EPHB1: variants seen among roughly 807,000 people sequenced by gnomAD.
The protein encoded by EPHB1 is EPH receptor B1, also known as ephrin type-B receptor 1.
EPHB1 carries 30 observed loss-of-function variants against 94.4 expected under a neutral mutation model. The observed-to-expected ratio is 0.32, with a 90% confidence interval of 0.24 to 0.43. EPHB1 has a LOEUF of 0.43. Ranked by LOEUF, EPHB1 falls within the 20% of genes least tolerant of loss-of-function variation. The pLI is 1.00. For synonymous variants in EPHB1, 522 were observed against 489.1 expected, an observed-to-expected ratio of 1.07 and a Z score of -0.89; for missense variants, 1,055 against 1,308.3, an observed-to-expected ratio of 0.81 and a Z score of 2.99.
chr3:134,889,860 A>G (rs1281666853), intron 1 of EPHB1, among the ~76,000 whole-genome samples: 2 of 151,148 alleles, frequency 1.3e-5, no homozygotes, highest in Non-Finnish European at 2.9e-5. Flanking sequence ...TTGTATTTTT[A>G]GTAGAGACAG....
intron 1 of EPHB1, among the ~76,000 whole-genome samples, chr3:134,855,268 A>G (rs112697129): frequency 6.6e-6 from 1 of 152,218 alleles, no homozygotes; most frequent in East Asian, 1.9e-4. Flanking sequence ...TGAAACCCAG[A>G]TGGAGGAAAA....
intron 2 of EPHB1, among the ~76,000 whole-genome samples, chr3:134,946,825 G>A (rs1422360689): frequency 1.3e-5 from 2 of 152,146 alleles, no homozygotes; most frequent in African/African-American, 2.4e-5. Flanking sequence ...AACTTCCTGA[G>A]GCCTCACCAG....
intron 1 of EPHB1, among the ~76,000 whole-genome samples, chr3:134,890,115 T>C (rs904503461): frequency 1.3e-5 from 2 of 152,092 alleles, no homozygotes; most frequent in African/African-American, 4.8e-5. Flanking sequence ...CATCCACCTC[T>C]CCTCAGTCAC....
intron 1 of EPHB1, among the ~76,000 whole-genome samples, chr3:134,912,778 C>T (rs2038480885): frequency 6.6e-6 from 1 of 152,234 alleles, no homozygotes; most frequent in Non-Finnish European, 1.5e-5. Context: ...CTCCTGCCTA[C>T]AGATGTTTGA....
At chr3:135,140,334 G>T (rs1482631863) in intron 5 of EPHB1, among the ~76,000 whole-genome samples, 2 of 152,188 alleles carry the variant, frequency 1.3e-5, no homozygotes, top group Non-Finnish European at 2.9e-5. Flanking sequence ...GAACTGACTG[G>T]CATCTCCAGG....
chr3:135,060,125 T>G (rs538099506), intron 3 of EPHB1, among the ~76,000 whole-genome samples: 10 of 152,382 alleles, frequency 6.6e-5, no homozygotes, highest in Admixed American at 2.0e-4. Flanking sequence ...CGTGATCTTA[T>G]TACAAAACAT....
chr3:135,186,148 G>A (rs1317091812), intron 10 of EPHB1, among the ~76,000 whole-genome samples: 1 of 152,210 alleles, frequency 6.6e-6, no homozygotes, highest in Non-Finnish European at 1.5e-5. Flanking sequence ...TGATATATAG[G>A]TATGCAGTTG....
chr3:134,797,531 G>C (rs576273293), intron 1 of EPHB1, among the ~76,000 whole-genome samples: 16 of 152,322 alleles, frequency 1.1e-4, no homozygotes, highest in African/African-American at 3.8e-4. Context: ...CCACTTTGGG[G>C]AGCGTGCTCT....
intron 3 of EPHB1, among the ~76,000 whole-genome samples, chr3:135,020,254 C>T (rs1935943327): frequency 6.6e-6 from 1 of 152,162 alleles, no homozygotes; most frequent in Non-Finnish European, 1.5e-5. Context: ...TTTATAATAG[C>T]TGTGTTGAGA....
chr3:135,136,663 G>A (rs1940629922), intron 5 of EPHB1, among the ~76,000 whole-genome samples: 1 of 152,162 alleles, frequency 6.6e-6, no homozygotes, highest in Admixed American at 6.5e-5. Context: ...GAGATGTTTT[G>A]TGGCCATTTT....
chr3:135,097,417 G>A (rs768385963), intron 3 of EPHB1, among the ~76,000 whole-genome samples: 21 of 152,162 alleles, frequency 1.4e-4, no homozygotes, highest in East Asian at 5.8e-4. Context: ...TCTTGGCTAC[G>A]CTCTGGGAAC....
intron 3 of EPHB1, among the ~76,000 whole-genome samples, chr3:134,977,320 G>A (rs1209574849): frequency 6.6e-6 from 1 of 152,234 alleles, no homozygotes; most frequent in African/African-American, 2.4e-5. Context: ...GGATGGACCT[G>A]CAGAAAATCC....
At chr3:135,005,427 C>A (rs574513525) in intron 3 of EPHB1, among the ~76,000 whole-genome samples, 1 of 152,230 alleles carries the variant, frequency 6.6e-6, no homozygotes, top group East Asian at 1.9e-4. Context: ...CTGTGCCCTG[C>A]CCCCAGAGGT....
intron 3 of EPHB1, among the ~76,000 whole-genome samples, chr3:135,014,758 T>C (rs186964003): frequency 1.3e-5 from 2 of 152,324 alleles, no homozygotes; most frequent in African/African-American, 4.8e-5. Flanking sequence ...GCAATTTCCC[T>C]GCAGGCCTTA....
intron 3 of EPHB1, among the ~76,000 whole-genome samples, chr3:135,039,638 G>A (rs1936767599): frequency 1.3e-5 from 2 of 152,350 alleles, no homozygotes; most frequent in South Asian, 4.1e-4. Context: ...CACTGCTGGT[G>A]GACTCAGTAC....
chr3:134,970,626 T>C (rs1933934438), intron 3 of EPHB1, among the ~76,000 whole-genome samples: 1 of 152,028 alleles, frequency 6.6e-6, no homozygotes, highest in African/African-American at 2.4e-5. Context: ...AGGATCTGCT[T>C]GTTAACTGAT....
intron 1 of EPHB1, among the ~76,000 whole-genome samples, chr3:134,884,947 A>T (rs578189586): frequency 6.6e-6 from 1 of 152,242 alleles, no homozygotes; most frequent in African/African-American, 2.4e-5. Context: ...GAGCGGAAAC[A>T]TGGAGTGGAT....
At chr3:134,979,632 A>T (rs1199981076) in intron 3 of EPHB1, among the ~76,000 whole-genome samples, 1 of 152,220 alleles carries the variant, frequency 6.6e-6, no homozygotes, top group Non-Finnish European at 1.5e-5. Flanking sequence ...ATGATTTTTC[A>T]ACTTTATAAT....
Position 135,078,618 on chromosome 3 carries a change from G to A in EPHB1, c.806-27830G>A, listed in dbSNP as rs147781896. Among the ~76,000 whole-genome samples the A allele has an allele frequency of 5.1e-3, 779 of 152,328 alleles. 4 individuals are homozygous for A. Among genetic ancestry groups the A allele is most frequent in the Non-Finnish European group, 8.1e-3 (549 of 68,044 alleles). Reference sequence around the variant, plus strand: ...CTGATGGACAAATGGACAGAGAAAGGCATTGCCAGCACAATCTGTGAAAGA... The same window carrying A: ...CTGATGGACAAATGGACAGAGAAAGACATTGCCAGCACAATCTGTGAAAGA... On this transcript the variant is annotated intron_variant, in intron 3 of 15. Transcript: ENST00000398015.
Sources: allele counts gnomAD v4.1 joint callset (sites outside exome capture counted in the v4.1 genomes callset), GRCh38; gene constraint gnomAD v4.1.1; transcripts MANE v1.5; gene names NCBI Gene and HGNC (gene_info 2026-07-23, HGNC 2026-07-21).